Variants in MARCHF1 observed in about 807,000 individuals in gnomAD.
MARCHF1 encodes the protein E3 ubiquitin-protein ligase MARCHF1.
Under a neutral mutation model 54.2 loss-of-function variants are expected in MARCHF1, and 40 were observed. That is an observed-to-expected ratio of 0.74 (90% confidence interval 0.57 to 0.96). The LOEUF (loss-of-function observed/expected upper bound fraction) is 0.96. MARCHF1 is among the 40% of genes least tolerant of loss of function. MARCHF1 has a pLI of 0.00. For missense variants in MARCHF1, 586 were observed against 656.5 expected (o/e 0.89, Z 1.17); for synonymous variants, 236 against 236.3 (o/e 1.00, Z 0.01).
chr4:164,262,877 A>C (rs537675230), intron 1 of MARCHF1, among the ~76,000 whole-genome samples: 13 of 152,244 alleles, frequency 8.5e-5, no homozygotes, highest in African/African-American at 2.9e-4. Flanking sequence ...ATTGAAGTTT[A>C]GAATAAATTA....
chr4:164,268,123 C>T (rs1560981248), intron 1 of MARCHF1, among the ~76,000 whole-genome samples: 1 of 152,118 alleles, frequency 6.6e-6, no homozygotes, highest in Non-Finnish European at 1.5e-5. Context: ...ACATGGGTAG[C>T]ATATTCAAAT....
intron 2 of MARCHF1, among the ~76,000 whole-genome samples, chr4:164,033,651 G>A (rs780958196): frequency 6.6e-6 from 1 of 152,112 alleles, no homozygotes; most frequent in Non-Finnish European, 1.5e-5. Context: ...ATACATTTAT[G>A]TAGCCAACAA....
chr4:164,242,525 G>A (rs1301213340), intron 1 of MARCHF1, among the ~76,000 whole-genome samples: 1 of 150,666 alleles, frequency 6.6e-6, no homozygotes, highest in African/African-American at 2.4e-5. Context: ...ACAAAGATGG[G>A]GAAAAAACAG....
At chr4:163,657,670 G>C (rs1743198189) in intron 5 of MARCHF1, among the ~76,000 whole-genome samples, 1 of 151,976 alleles carries the variant, frequency 6.6e-6, no homozygotes, top group Admixed American at 6.6e-5. Flanking sequence ...ATACTACAAG[G>C]CTACAGTAAC....
intron 2 of MARCHF1, among the ~76,000 whole-genome samples, chr4:164,006,666 C>T (rs1753295188): frequency 6.6e-6 from 1 of 151,886 alleles, no homozygotes. Context: ...AAGACTACCC[C>T]AAGGTATATA....
intron 4 of MARCHF1, among the ~76,000 whole-genome samples, chr4:163,790,764 A>C (rs556482073): frequency 1.3e-4 from 20 of 152,192 alleles, no homozygotes; most frequent in South Asian, 6.2e-4. Flanking sequence ...GCATAAGTGG[A>C]ATGAGAAGTA....
At chr4:164,224,089 G>T (rs972846117) in intron 1 of MARCHF1, among the ~76,000 whole-genome samples, 1 of 150,412 alleles carries the variant, frequency 6.6e-6, no homozygotes, top group African/African-American at 2.4e-5. Flanking sequence ...TCTAACCATG[G>T]CCCACAGGCC....
intron 5 of MARCHF1, among the ~76,000 whole-genome samples, chr4:163,654,964 C>G (rs1035783434): frequency 1.1e-4 from 16 of 151,574 alleles, no homozygotes; most frequent in African/African-American, 3.9e-4. Context: ...TTCTTTGCCT[C>G]TTTTCTCTTT....
At chr4:164,007,706 C>T (rs74434770) in intron 2 of MARCHF1, among the ~76,000 whole-genome samples, 2,381 of 148,274 alleles carry the variant, frequency 0.016, 56 homozygotes, top group African/African-American at 0.052. Flanking sequence ...TGGTTTCTTT[C>T]TATTTTTCTA....
intron 5 of MARCHF1, among the ~76,000 whole-genome samples, chr4:163,681,381 A>T (rs184623974): frequency 6.6e-6 from 1 of 152,322 alleles, no homozygotes; most frequent in Non-Finnish European, 1.5e-5. Flanking sequence ...TGGCATGTAC[A>T]GTTACACAGG....
intron 3 of MARCHF1, among the ~76,000 whole-genome samples, chr4:163,958,793 C>A (rs1752282276): frequency 6.6e-6 from 1 of 151,702 alleles, no homozygotes; most frequent in South Asian, 2.1e-4. Flanking sequence ...TTGTATGATG[C>A]ACAAAATCTC....
intron 1 of MARCHF1, among the ~76,000 whole-genome samples, chr4:164,235,506 C>T (rs1159828669): frequency 1.3e-5 from 2 of 152,062 alleles, no homozygotes; most frequent in Admixed American, 6.6e-5. Flanking sequence ...AGTTTAATTT[C>T]TCTTCTACTC....
intron 1 of MARCHF1, among the ~76,000 whole-genome samples, chr4:164,355,836 A>G (rs1730510285): frequency 8.7e-6 from 1 of 114,574 alleles, no homozygotes; most frequent in African/African-American, 2.9e-5. Flanking sequence ...GCAACCTACA[A>G]CATGGGAGAA....
chr4:164,173,305 G>A (rs76626115), intron 1 of MARCHF1, among the ~76,000 whole-genome samples: 28,722 of 151,962 alleles, frequency 0.19, 4,353 homozygotes, highest in African/African-American at 0.41. Flanking sequence ...TGGGCAACCC[G>A]ATTTTATTTG....
chr4:164,058,143 G>A (rs1205313331), intron 2 of MARCHF1, among the ~76,000 whole-genome samples: 1 of 151,962 alleles, frequency 6.6e-6, no homozygotes, highest in Non-Finnish European at 1.5e-5. Flanking sequence ...CTAGGGGAGG[G>A]ATAACATTAG....
At chr4:164,276,833 T>C (rs1733894236) in intron 1 of MARCHF1, among the ~76,000 whole-genome samples, 1 of 148,354 alleles carries the variant, frequency 6.7e-6, no homozygotes, top group Non-Finnish European at 1.5e-5. Flanking sequence ...CTAATCATTA[T>C]GTGTAATTAC....
intron 2 of MARCHF1, among the ~76,000 whole-genome samples, chr4:164,091,991 A>G (rs1384253342): frequency 2.0e-5 from 3 of 152,038 alleles, no homozygotes; most frequent in South Asian, 2.1e-4. Flanking sequence ...TCTTTTTTCC[A>G]CACTTACTCC....
chr4:164,096,679 C>CA (rs2111145349), intron 2 of MARCHF1, among the ~76,000 whole-genome samples: 1 of 151,964 alleles, frequency 6.6e-6, no homozygotes, highest in South Asian at 2.1e-4. Context: ...AGAGAAAACA[C>CA]AAAAACAGAA....
intron 1 of MARCHF1, among the ~76,000 whole-genome samples, chr4:164,248,183 A>G (rs1014878939): frequency 2.6e-5 from 4 of 152,048 alleles, no homozygotes; most frequent in Admixed American, 2.6e-4. Flanking sequence ...TTAAACACTG[A>G]CACAACAATA....
Sources: gnomAD v4.1 joint callset for allele counts (sites outside exome capture counted in the v4.1 genomes callset) on GRCh38, gnomAD v4.1.1 for gene constraint, MANE v1.5 for transcripts, NCBI Gene and HGNC (gene_info 2026-07-23, HGNC 2026-07-21) for gene names.